Variants in SYNM observed in about 807,000 individuals in gnomAD.
SYNM encodes the protein synemin.
Under a neutral mutation model 104.0 loss-of-function variants are expected in SYNM, and 95 were observed. That is an observed-to-expected ratio of 0.91 (90% CI 0.77 to 1.08). SYNM has a LOEUF of 1.08. Ranked by LOEUF, SYNM falls within the 50% of genes least tolerant of loss-of-function variation. The pLI, the probability that SYNM is intolerant of heterozygous loss-of-function variation, is 0.00. For synonymous variants in SYNM, 918 were observed against 869.0 expected (o/e 1.06, Z -0.99); for missense variants, 2,150 against 2,052.2 (o/e 1.05, Z -0.92).
Position 99,133,268 on chromosome 15 carries a change from T to A in SYNM, c.*210T>A. On this transcript the variant is annotated 3_prime_UTR_variant, in exon 4 of 4. Coordinates refer to ENST00000336292, the MANE Select transcript of SYNM (RefSeq NM_145728.3). The stretch of plus-strand genomic sequence containing the variant: ...GCCTTAAAAGGCACTGCAATTTTAT[T>A]TTTGAGTTGGGACTTTTACAAAACA... 9.5e-7 allele frequency: 1 copy of A among 1,052,096 alleles called. No individual in the cohort carries two copies. The allele number at this position is 1,052,096 out of a possible 1,614,324, so 65.2% of individuals were successfully genotyped here.
At chr15:99,138,148 G>T, downstream of SYNM, 1 of 1,610,890 alleles carries the variant, frequency 6.2e-7, no homozygotes, top group African/African-American at 1.3e-5. Flanking sequence ...GCAGAGGGTG[G>T]GGTGAGTGTG....
At position 99,130,581 on chromosome 15, in the gene SYNM, G is replaced by A. The variant is rs2067491234; in HGVS notation, c.2221G>A (p.Ala741Thr). Reference protein sequence around the residue: ...NLGLKGREGRAKVVNVEIVEE... With the variant: ...NLGLKGREGRTKVVNVEIVEE... ...CGGCCTGAAAGGGAGGGAGGGGAGA[G>A]CAAAGGTCGTCAACGTGGAGATCGT... is the stretch of plus-strand genomic sequence containing the variant. The change falls in exon 4 of 4, where the codon GCA becomes ACA. Residue 741 changes from alanine to threonine, a missense_variant. Coordinates refer to ENST00000336292, the MANE Select transcript of SYNM (RefSeq NM_145728.3). 2.5e-6 allele frequency: 4 copies of A among 1,613,710 alleles called. No homozygotes were observed. In the East Asian group the frequency reaches 8.9e-5, roughly 36 times the overall value.
chr15:99,120,087 C>T (rs2067385910), intron 2 of SYNM, among the ~76,000 whole-genome samples: 1 of 152,176 alleles, frequency 6.6e-6, no homozygotes, highest in African/African-American at 2.4e-5. Context: ...TGTGATGACA[C>T]CCACGTTCAA....
downstream of SYNM, among the ~76,000 whole-genome samples, chr15:99,138,855 C>T (rs1472280420): frequency 6.6e-6 from 1 of 152,222 alleles, no homozygotes; most frequent in Non-Finnish European, 1.5e-5. Context: ...CTCTGCGGAC[C>T]AGGCTCTGTG....
chr15:99,127,849 A>C (rs2067461429), intron 3 of SYNM, among the ~76,000 whole-genome samples: 1 of 152,216 alleles, frequency 6.6e-6, no homozygotes, highest in Non-Finnish European at 1.5e-5. Context: ...TCCATCATGT[A>C]ACCTAGAGAG....
chr15:99,112,287 T>C (rs2067306177), intron 1 of SYNM, among the ~76,000 whole-genome samples: 1 of 152,222 alleles, frequency 6.6e-6, no homozygotes. Context: ...TCAGAAATAA[T>C]GCTACTTCCC....
intron 1 of SYNM, among the ~76,000 whole-genome samples, chr15:99,112,859 C>T (rs1246866372): frequency 6.6e-6 from 1 of 152,056 alleles, no homozygotes; most frequent in African/African-American, 2.4e-5. Flanking sequence ...TACAGGTCTG[C>T]GCCACCATGC....
downstream of SYNM, chr15:99,139,892 G>A (rs1391389369): frequency 1.8e-6 from 1 of 547,670 alleles, no homozygotes; most frequent in Non-Finnish European, 2.8e-6. Context: ...ACCCAGGGCT[G>A]GCTTTGGCTT....
At position 99,131,409 on chromosome 15, in the gene SYNM, G is replaced by T; in HGVS notation, c.3049G>T (p.Glu1017Ter). 6.2e-7 allele frequency: 1 copy of T among 1,611,894 alleles called. No homozygotes were observed. ...TGTGGATGCCGATCGGTTAGACCTG[G>T]AGGAGCTGAGCAAAGATGAGGCCAG... ...QTVDADRLDL[E>*]ELSKDEASEM... The change falls in exon 4 of 4, where the codon GAG becomes TAG. Residue 1017 changes from glutamate (E) to a stop codon, truncating the protein, a stop_gained. Coordinates refer to ENST00000336292, the MANE Select transcript of SYNM (RefSeq NM_145728.3). LOFTEE classifies it high-confidence loss of function. This position sits in a 1 kb window ranked among gnomAD's most constrained non-coding sequence, Gnocchi z 4.3.
chr15:99,135,943 C>A (rs1177572256), downstream of SYNM, among the ~76,000 whole-genome samples: 1 of 152,136 alleles, frequency 6.6e-6, no homozygotes, highest in Admixed American at 6.5e-5. Context: ...GGATGTGGTA[C>A]TTTGAGTGCT....
chr15:99,130,883 G>C lies in SYNM; in HGVS notation c.2523G>C (p.Gly841=). The change falls in exon 4 of 4, where the codon GGG becomes GGC. Residue 841 remains glycine (G), a synonymous_variant. Coordinates refer to ENST00000336292, the MANE Select transcript of SYNM (RefSeq NM_145728.3). ...CCACTCCAGATGAACACCCCGGGGG[G>C]CACGACAGAGATGACGGCTCGGTGT... The part of the protein sequence containing the change: ...FVSTPDEHPG[G]HDRDDGSVYG... 6.2e-7 allele frequency: 1 copy of C among 1,613,990 alleles called. No homozygotes were observed. The highest frequency in any genetic ancestry group is 8.5e-7 in the Non-Finnish European group (1 of 1,179,892).
rs1596134354 is a variant in SYNM at position 99,129,799 on chromosome 15, C to T, written c.1439C>T (p.Ala480Val). ...ESYRDRRDKV[A>V]AGASESTRSN... ...TACCGGGATCGCCGAGACAAGGTGGCAGCAGGTGCTTCGGAAAGCACACGG... is the reference window on the plus strand; with the variant it reads ...TACCGGGATCGCCGAGACAAGGTGGTAGCAGGTGCTTCGGAAAGCACACGG... Residue 480 changes from alanine to valine, a missense_variant, in exon 4 of 4, where the codon GCA becomes GTA. Ala to Val is a moderately conservative substitution (Grantham distance 64). Coordinates refer to ENST00000336292, the MANE Select transcript of SYNM (RefSeq NM_145728.3). The T allele has an allele frequency of 6.2e-7, 1 of 1,613,474 alleles. No homozygotes were observed. The highest frequency in any genetic ancestry group is 2.2e-5 in the East Asian group (1 of 44,880).
downstream of SYNM, chr15:99,139,805 A>G (rs1368913394): frequency 5.8e-6 from 7 of 1,216,112 alleles, no homozygotes; most frequent in East Asian, 4.0e-4. Context: ...TACTTTTATT[A>G]ATATATAGGC....
downstream of SYNM, chr15:99,139,388 G>A: frequency 2.5e-6 from 4 of 1,614,148 alleles, no homozygotes; most frequent in Non-Finnish European, 3.4e-6. Context: ...AGAGGGTCTG[G>A]ATCTGGAGAC....
chr15:99,131,638 G>A lies in SYNM; in HGVS notation c.3278G>A (p.Arg1093His), dbSNP rs1447247496. 7.5e-6 allele frequency: 12 copies of A among 1,610,642 alleles called. No homozygotes were observed. Among genetic ancestry groups the A allele is most frequent in the Admixed American group, 3.3e-5 (2 of 59,818 alleles). The change falls in exon 4 of 4, where the codon CGC becomes CAC. Residue 1093 changes from arginine to histidine, a missense_variant. Arg to His is a conservative substitution (Grantham distance 29). Coordinates refer to ENST00000336292, the MANE Select transcript of SYNM (RefSeq NM_145728.3). This position sits in a 1 kb window ranked among gnomAD's most constrained non-coding sequence, Gnocchi z 4.3. ...AGGASHSSGQ[R>H]TPQGPVSATV... ...GGGGCCTCTCACAGCTCGGGACAGC[G>A]CACTCCCCAGGGCCCAGTGTCGGCC...
rs781901236 is a variant in SYNM at position 99,132,715 on chromosome 15, C to T, written c.4355C>T (p.Ala1452Val). 25 of 1,613,856 alleles carry T rather than the reference C, an allele frequency of 1.5e-5. 1 individual carries two copies. The Middle Eastern group carries it at 2.1e-3, about 138-fold the overall frequency. ...AGCAGCAGAACGCTAAGGCACATTG[C>T]ACCAGGGCCCAAAGAAACTTCGTTT... ...ADSSRTLRHI[A>V]PGPKETSFTF... is the part of the protein sequence containing the mutation. The change falls in exon 4 of 4, where the codon GCA (alanine) becomes GTA (valine). Residue 1452 changes from alanine to valine, a missense_variant. By Grantham distance (64) the Ala-to-Val change is moderately conservative. Transcript: ENST00000336292.
At chr15:99,136,612 A>G (rs1160313500), downstream of SYNM, 3 of 152,230 alleles carry the variant, frequency 2.0e-5, no homozygotes, top group African/African-American at 7.2e-5. Context: ...CTCCACCCTC[A>G]TAACCTAATC....
intron 2 of SYNM, among the ~76,000 whole-genome samples, chr15:99,123,328 A>G (rs1380635980): frequency 4.2e-5 from 6 of 143,146 alleles, no homozygotes; most frequent in African/African-American, 1.6e-4. Context: ...AGTCTCTAGT[A>G]TTGACCTAGA....
chr15:99,129,306 G>T (rs1051244248), intron 3 of SYNM, 61 bp from the exon 4 acceptor site: 3 of 1,578,760 alleles, frequency 1.9e-6, no homozygotes, highest in Non-Finnish European at 2.6e-6. Context: ...AACAATGCTT[G>T]TAGATGGAAA....
Sources: gnomAD v4.1 joint callset for allele counts (sites outside exome capture counted in the v4.1 genomes callset) on GRCh38, gnomAD v4.1.1 for gene constraint, Gnocchi (gnomAD v3.1) non-coding constraint, MANE v1.5 for transcripts, NCBI Gene and HGNC (gene_info 2026-07-23, HGNC 2026-07-21) for gene names.